The following IL1RAPL1 variants were observed in gnomAD, a reference collection of about 807,000 sequenced individuals.
IL1RAPL1 encodes the protein interleukin 1 receptor accessory protein like 1, also known as interleukin-1 receptor accessory protein-like 1.
A neutral mutation model predicts 48.4 loss-of-function variants in IL1RAPL1; 3 were observed. The ratio of observed to expected loss-of-function variants is 0.06; its 90% CI spans 0.03 to 0.16. IL1RAPL1 has a LOEUF of 0.16. Ranked by LOEUF, IL1RAPL1 falls within the 10% of genes least tolerant of loss-of-function variation. IL1RAPL1 has a pLI of 1.00. For synonymous variants in IL1RAPL1, 185 were observed against 187.7 expected, an observed-to-expected ratio of 0.99 and a Z score of 0.12; for missense variants, 349 against 530.6, an observed-to-expected ratio of 0.66 and a Z score of 3.36.
At chrX:29,390,293 G>T (rs1024002933) in intron 3 of IL1RAPL1, among the ~76,000 whole-genome samples, 3 of 110,871 alleles carry the variant, frequency 2.7e-5, no homozygotes, top group African/African-American at 6.6e-5. Context: ...CTGCCACTCT[G>T]TGCTGGTTTT....
At chrX:29,719,651 G>A (rs775533747) in intron 6 of IL1RAPL1, among the ~76,000 whole-genome samples, 133 of 100,346 alleles carry the variant, frequency 1.3e-3, no homozygotes, top group African/African-American at 4.9e-3. Context: ...GTTGGGGGAG[G>A]AAAATGAAAA....
chrX:29,058,177 C>T, intron 2 of IL1RAPL1, among the ~76,000 whole-genome samples: 1 of 110,140 alleles, frequency 9.1e-6, no homozygotes, highest in South Asian at 3.9e-4. Context: ...AGATCGAGAC[C>T]ATCCTGGCCT....
chrX:28,755,919 T>C (rs1936099832), intron 1 of IL1RAPL1, among the ~76,000 whole-genome samples: 1 of 111,691 alleles, frequency 9.0e-6, no homozygotes, highest in South Asian at 3.7e-4. Context: ...TAATTTGCAC[T>C]TCTGTTATTG....
chrX:28,962,970 AT>A (rs1300217968), intron 2 of IL1RAPL1, among the ~76,000 whole-genome samples: 1 of 108,889 alleles, frequency 9.2e-6, no homozygotes, highest in Non-Finnish European at 1.9e-5. Context: ...ATACTGCAGC[AT>A]TTTTTAATTC....
intron 2 of IL1RAPL1, among the ~76,000 whole-genome samples, chrX:28,990,272 T>A (rs965642874): frequency 8.9e-6 from 1 of 112,022 alleles, no homozygotes; most frequent in East Asian, 2.8e-4. Flanking sequence ...TCTGTCCAAC[T>A]TCTGAGCCCA....
At chrX:29,413,531 T>A (rs1301961597) in intron 5 of IL1RAPL1, among the ~76,000 whole-genome samples, 3 of 79,720 alleles carry the variant, frequency 3.8e-5, no homozygotes, top group East Asian at 4.3e-4. Flanking sequence ...CAGGCCCCGG[T>A]GTGTGATGTT....
intron 8 of IL1RAPL1, among the ~76,000 whole-genome samples, chrX:29,924,826 ACT>A (rs1347164265): frequency 2.9e-4 from 32 of 111,849 alleles, no homozygotes; most frequent in African/African-American, 9.1e-4. Context: ...TCTTGTGTGC[ACT>A]CTCTTTATCC....
chrX:29,501,479 T>C (rs1163138322), intron 5 of IL1RAPL1, among the ~76,000 whole-genome samples: 2 of 111,627 alleles, frequency 1.8e-5, no homozygotes, highest in Non-Finnish European at 1.9e-5. Flanking sequence ...TTTGATTTGA[T>C]GTTTGTGTAT....
At chrX:29,204,878 G>A (rs188998896) in intron 2 of IL1RAPL1, among the ~76,000 whole-genome samples, 154 of 111,444 alleles carry the variant, frequency 1.4e-3, no homozygotes, top group African/African-American at 4.7e-3. Flanking sequence ...TTCATTCTTG[G>A]GTTGTAGAAG....
At chrX:29,946,733 A>G (rs1302723736) in intron 9 of IL1RAPL1, among the ~76,000 whole-genome samples, 1 of 112,007 alleles carries the variant, frequency 8.9e-6, no homozygotes, top group Non-Finnish European at 1.9e-5. Context: ...GCAATACTCC[A>G]GTGGTAGGAT....
At chrX:29,059,913 T>C (rs1602036242) in intron 2 of IL1RAPL1, among the ~76,000 whole-genome samples, 1 of 111,839 alleles carries the variant, frequency 8.9e-6, no homozygotes, top group South Asian at 3.7e-4. Context: ...TGTTGTACCC[T>C]TGAGTATCAG....
At chrX:29,294,436 A>G (rs746221306) in intron 3 of IL1RAPL1, among the ~76,000 whole-genome samples, 226 of 108,020 alleles carry the variant, frequency 2.1e-3, no homozygotes, top group African/African-American at 7.5e-3. Context: ...GCTGAGGCAG[A>G]AGAATGGCGT....
At chrX:29,029,601 T>C (rs1434670632) in intron 2 of IL1RAPL1, among the ~76,000 whole-genome samples, 1 of 112,166 alleles carries the variant, frequency 8.9e-6, no homozygotes, top group Non-Finnish European at 1.9e-5. Flanking sequence ...AGTCCTATTC[T>C]ATGGTCTTGC....
At chrX:29,428,345 G>A (rs1049866292) in intron 5 of IL1RAPL1, among the ~76,000 whole-genome samples, 7 of 111,569 alleles carry the variant, frequency 6.3e-5, no homozygotes, top group Non-Finnish European at 1.3e-4. Flanking sequence ...TGTGAAAATT[G>A]TATTGAAACT....
chrX:29,375,071 T>G (rs1316454637), intron 3 of IL1RAPL1, among the ~76,000 whole-genome samples: 1 of 108,756 alleles, frequency 9.2e-6, no homozygotes, highest in Non-Finnish European at 1.9e-5. Context: ...TCTTTTATTT[T>G]AATTTAGCTA....
At chrX:29,418,567 G>A (rs1934253162) in intron 5 of IL1RAPL1, among the ~76,000 whole-genome samples, 1 of 111,540 alleles carries the variant, frequency 9.0e-6, no homozygotes, top group Admixed American at 9.6e-5. Flanking sequence ...TGTTGCTATG[G>A]CGTAATTGAG....
intron 5 of IL1RAPL1, among the ~76,000 whole-genome samples, chrX:29,430,875 G>A (rs1474666113): frequency 9.0e-6 from 1 of 110,592 alleles, no homozygotes. Context: ...TTAATAAGAT[G>A]TTAGATGTGC....
At chrX:28,723,758 G>A (rs1178959982) in intron 1 of IL1RAPL1, among the ~76,000 whole-genome samples, 3 of 111,516 alleles carry the variant, frequency 2.7e-5, no homozygotes, top group Non-Finnish European at 3.8e-5. Flanking sequence ...TCTACACACC[G>A]CTTTAAATGT....
chrX:29,153,460 C>A (rs1392842273), intron 2 of IL1RAPL1, among the ~76,000 whole-genome samples: 1 of 111,636 alleles, frequency 9.0e-6, no homozygotes, highest in Admixed American at 9.6e-5. Context: ...ACTGGTTTAC[C>A]CTTATCTCGT....
Sources: allele counts gnomAD v4.1 joint callset (sites outside exome capture counted in the v4.1 genomes callset), GRCh38; gene constraint gnomAD v4.1.1; transcripts MANE v1.5; gene names NCBI Gene and HGNC (gene_info 2026-07-23, HGNC 2026-07-21).